The following ALG14 variants were observed in gnomAD, a reference collection of about 807,000 sequenced individuals.
The protein encoded by ALG14 is UDP-N-acetylglucosamine transferase subunit ALG14.
In ALG14, 17 loss-of-function variants were observed where a neutral mutation model predicts 22.8. The ratio of observed to expected loss-of-function variants is 0.75; its 90% CI spans 0.51 to 1.12. The LOEUF is 1.12. Among genes scored for constraint, ALG14 ranks in the 50% most tolerant of loss-of-function variants. The pLI is 0.00. For missense variants in ALG14, 288 were observed against 271.8 expected, an observed-to-expected ratio of 1.06 and a Z score of -0.42; for synonymous variants, 89 against 103.7, an observed-to-expected ratio of 0.86 and a Z score of 0.86.
In ALG14 at chr1:94,980,463, AT is replaced by A. The variant is rs1225630990; in HGVS notation, c.*2612del. The A allele has an allele frequency of 6.6e-6, 1 of 152,114 alleles. No individual in the cohort carries two copies. The highest frequency in any genetic ancestry group is 1.9e-4 in the East Asian group (1 of 5,194). 9.4% of individuals were successfully genotyped at this position (152,114 alleles called of 1,614,324 possible). ...TCTCATTTGAAGACTGATTCAATTA[AT>A]TTTTTCATGAACAGTCTCCTACAGT... On this transcript the variant is annotated 3_prime_UTR_variant, in exon 4 of 4. Coordinates refer to ENST00000370205, the MANE Select transcript of ALG14 (RefSeq NM_144988.4).
At position 95,023,413 on chromosome 1, in the gene ALG14, C is replaced by T. The variant is rs557824198; in HGVS notation, c.420+3716G>A. Among the ~76,000 whole-genome samples, 56 of 152,282 alleles carry T rather than the reference C, an allele frequency of 3.7e-4. No individual in the cohort carries two copies. The East Asian group carries it at 5.0e-3, about 14-fold the overall frequency. On this transcript the variant is annotated intron_variant, in intron 3 of 3. Coordinates refer to ENST00000370205, the MANE Select transcript of ALG14 (RefSeq NM_144988.4). ...TGCTGGAATTACAGGCATGAGCCTC[C>T]GCACCCAGCCATCAACTTTCTACTG...
chr1:95,011,965 G>A (rs1335216927), intron 3 of ALG14, among the ~76,000 whole-genome samples: 1 of 152,138 alleles, frequency 6.6e-6, no homozygotes, highest in Non-Finnish European at 1.5e-5. Flanking sequence ...CATGTGTTGT[G>A]GGAGGGACCC....
At chr1:95,031,197 T>C (rs946326194) in intron 2 of ALG14, among the ~76,000 whole-genome samples, 19 of 152,184 alleles carry the variant, frequency 1.2e-4, no homozygotes, top group African/African-American at 4.1e-4. Context: ...CTCAGAAGTA[T>C]CAATTTAAAT....
chr1:94,979,952 T>C lies in ALG14; in HGVS notation c.*3124A>G, dbSNP rs929847993. 1 of 152,144 alleles carries C rather than the reference T, an allele frequency of 6.6e-6. No homozygotes were observed. The highest frequency in any genetic ancestry group is 6.6e-5 in the Admixed American group (1 of 15,254). 9.4% of individuals were successfully genotyped at this position (152,144 alleles called of 1,614,324 possible). ...CCCGTGAGGCTCAAACGCTGACCTG[T>C]AGGGAGAAGGACAATTTTCTTTAAC... is the stretch of plus-strand genomic sequence containing the variant. On this transcript the variant is annotated 3_prime_UTR_variant, in exon 4 of 4. Coordinates refer to ENST00000370205, the MANE Select transcript of ALG14 (RefSeq NM_144988.4).
At chr1:95,066,997 T>C (rs1044431997) in intron 1 of ALG14, 1 of 152,236 alleles carries the variant, frequency 6.6e-6, no homozygotes, top group Non-Finnish European at 1.5e-5. Context: ...TTTAATAGTC[T>C]TTTATTTCCT....
intron 2 of ALG14, among the ~76,000 whole-genome samples, chr1:95,040,447 T>A (rs1674343831): frequency 6.6e-6 from 1 of 152,196 alleles, no homozygotes; most frequent in African/African-American, 2.4e-5. Context: ...CATGCTCACC[T>A]GCTTGGTCAA....
intron 2 of ALG14, among the ~76,000 whole-genome samples, chr1:95,063,395 A>G (rs1675237185): frequency 6.6e-6 from 1 of 152,180 alleles, no homozygotes; most frequent in Non-Finnish European, 1.5e-5. Flanking sequence ...ACTACTGCTT[A>G]GATTTTCTTC....
At chr1:95,015,427 G>T (rs138899664) in intron 3 of ALG14, among the ~76,000 whole-genome samples, 2 of 152,200 alleles carry the variant, frequency 1.3e-5, no homozygotes, top group Admixed American at 1.3e-4. Flanking sequence ...AAATTCAGCA[G>T]AAGTTAAATG....
At chr1:95,022,450 G>A in intron 3 of ALG14, 1 of 788,970 alleles carries the variant, frequency 1.3e-6, no homozygotes, top group African/African-American at 1.9e-5. Context: ...AGTGGACTCT[G>A]ACCATCATCA....
intron 1 of ALG14, among the ~76,000 whole-genome samples, chr1:95,067,919 GTCTAC>G (rs2100847492): frequency 6.6e-6 from 1 of 152,236 alleles, no homozygotes; most frequent in Admixed American, 6.5e-5. Context: ...CGCTTACTCA[GTCTAC>G]TCTAATCACT....
rs180812585 is a variant in ALG14 at position 94,982,868 on chromosome 1, C to T, written c.*208G>A. On this transcript the variant is annotated 3_prime_UTR_variant, in exon 4 of 4. Coordinates refer to ENST00000370205, the MANE Select transcript of ALG14 (RefSeq NM_144988.4). ...GAAATTTGGTTTACAGAGGCATAAA[C>T]ATTTAGTAGTTACGTTTATCAATGT... 6.2e-4 allele frequency: 344 copies of T among 552,326 alleles called. 2 individuals carry two copies. Among genetic ancestry groups the T allele is most frequent in the African/African-American group, 5.9e-3 (312 of 53,026 alleles). The allele number at this position is 552,326 out of a possible 1,614,324, so 34.2% of individuals were successfully genotyped here. A position where few individuals can be genotyped will look rare whatever the true frequency, so the allele number is the denominator to read the frequency against.
At chr1:94,984,528 A>T (rs1470561948) in intron 3 of ALG14, among the ~76,000 whole-genome samples, 1 of 152,194 alleles carries the variant, frequency 6.6e-6, no homozygotes, top group Non-Finnish European at 1.5e-5. Flanking sequence ...TCTGTTTTAG[A>T]TGAGACCAAT....
chr1:95,010,407 T>A (rs1235995112), intron 3 of ALG14, among the ~76,000 whole-genome samples: 1 of 152,224 alleles, frequency 6.6e-6, no homozygotes, highest in East Asian at 1.9e-4. Flanking sequence ...AACATAGGAC[T>A]CAGCCTAGAT....
At chr1:95,046,662 A>G (rs923447170) in intron 2 of ALG14, among the ~76,000 whole-genome samples, 16 of 152,268 alleles carry the variant, frequency 1.1e-4, no homozygotes, top group Admixed American at 2.6e-4. Flanking sequence ...GTAAAATTGG[A>G]AAGTTATAAA....
intron 2 of ALG14, among the ~76,000 whole-genome samples, chr1:95,040,791 T>C (rs1674354741): frequency 6.6e-6 from 1 of 152,224 alleles, no homozygotes; most frequent in Non-Finnish European, 1.5e-5. Flanking sequence ...AACAGTACTA[T>C]ATTATAAAAT....
At position 95,072,878 on chromosome 1, in the gene ALG14, T is replaced by C. The variant is rs1218214553; in HGVS notation, c.21A>G (p.Leu7=). The change falls in exon 1 of 4, where the codon CTA becomes CTG. Residue 7 remains leucine, a synonymous_variant. Transcript: ENST00000370205. ...CCGCCACAGCTCCTGCGGCCGCAGC[T>C]AGAACGAGAACGCACACCATGCAGA... The part of the protein sequence containing the change: MVCVLV[L]AAAAGAVAVF... 6 of 1,613,910 alleles carry C rather than the reference T, an allele frequency of 3.7e-6. No homozygotes were observed. The South Asian group carries it at 5.5e-5, about 15-fold the overall frequency.
chr1:95,055,772 C>A lies in ALG14; in HGVS notation c.288+9094G>T, dbSNP rs2100822127. ...CTGTGGGAGGCCCAGGCGGGCGGAT[C>A]ACGAGGTCAGCAGATTGAGACCATC... On this transcript the variant is annotated intron_variant, in intron 2 of 3. Coordinates refer to ENST00000370205, the MANE Select transcript of ALG14 (RefSeq NM_144988.4). Among the ~76,000 whole-genome samples, 2 of 136,262 alleles carry A rather than the reference C, an allele frequency of 1.5e-5. 1 individual carries two copies. Among genetic ancestry groups the A allele is most frequent in the Middle Eastern group, 9.2e-3 (2 of 218 alleles). The allele number at this position is 136,262 out of a possible 152,430, so 89.4% of individuals were successfully genotyped here. A position where few individuals can be genotyped will look rare whatever the true frequency, so the allele number is the denominator to read the frequency against.
At chr1:95,058,848 G>C (rs1276073246) in intron 2 of ALG14, among the ~76,000 whole-genome samples, 1 of 151,858 alleles carries the variant, frequency 6.6e-6, no homozygotes, top group Non-Finnish European at 1.5e-5. Context: ...TGAGCTAGGA[G>C]AAAGCTAATG....
chr1:95,039,169 G>C (rs1476817564), intron 2 of ALG14, among the ~76,000 whole-genome samples: 1 of 152,168 alleles, frequency 6.6e-6, no homozygotes, highest in Non-Finnish European at 1.5e-5. Flanking sequence ...GTTCAGAGCT[G>C]AGAGACATGA....
Sources: gnomAD v4.1 joint callset for allele counts (sites outside exome capture counted in the v4.1 genomes callset) on GRCh38, gnomAD v4.1.1 for gene constraint, MANE v1.5 for transcripts, NCBI Gene and HGNC (gene_info 2026-07-23, HGNC 2026-07-21) for gene names.